ASH2L: variants seen among roughly 807,000 people sequenced by gnomAD.
The protein encoded by ASH2L is set1/Ash2 histone methyltransferase complex subunit ASH2.
ASH2L carries 30 observed loss-of-function variants against 81.1 expected under a neutral mutation model. The observed-to-expected ratio is 0.37, with a 90% CI of 0.28 to 0.50. ASH2L has a LOEUF of 0.50. Among genes scored for constraint, ASH2L ranks in the 20% least tolerant of loss-of-function variants. The pLI is 0.95. For synonymous variants in ASH2L, 273 were observed against 279.9 expected, an observed-to-expected ratio of 0.98 and a Z score of 0.24; for missense variants, 559 against 792.1, an observed-to-expected ratio of 0.71 and a Z score of 3.53.
At chr8:38,115,073 A>G in intron 7 of ASH2L, 73 bp downstream of exon 7, 1 of 968,124 alleles carries the variant, frequency 1.0e-6, no homozygotes, top group Non-Finnish European at 1.7e-6. Context: ...TTCTGTTTAC[A>G]TTTGTATATT....
intron 7 of ASH2L, among the ~76,000 whole-genome samples, chr8:38,115,415 T>C (rs61363392): frequency 0.015 from 2,352 of 152,346 alleles, 58 homozygotes; most frequent in African/African-American, 0.054. Flanking sequence ...CGAAAATTGC[T>C]GTTTTTTGTT....
chr8:38,130,793 T>G (rs1400680445), intron 12 of ASH2L, among the ~76,000 whole-genome samples: 2 of 152,080 alleles, frequency 1.3e-5, no homozygotes, highest in Admixed American at 1.3e-4. Context: ...GAGACAGGGT[T>G]TCACCATGTT....
chr8:38,126,270 C>T (rs552001334), intron 10 of ASH2L, among the ~76,000 whole-genome samples: 1 of 151,598 alleles, frequency 6.6e-6, no homozygotes, highest in Non-Finnish European at 1.5e-5. Context: ...ACTGAAATGA[C>T]CAATATTCTT....
intron 10 of ASH2L, among the ~76,000 whole-genome samples, chr8:38,121,607 A>G (rs2130525517): frequency 6.6e-6 from 1 of 152,076 alleles, no homozygotes; most frequent in South Asian, 2.1e-4. Context: ...TCTTTAGTCT[A>G]TTATAGTCTT....
At chr8:38,105,520 T>G (rs1810376536), upstream of ASH2L, 1 of 1,517,568 alleles carries the variant, frequency 6.6e-7, no homozygotes, top group East Asian at 2.6e-5. Flanking sequence ...GAGAAGAGAG[T>G]ATTCTCGCGA....
chr8:38,135,841 A>C, intron 14 of ASH2L, 75 bp downstream of exon 14: 1 of 1,191,836 alleles, frequency 8.4e-7, no homozygotes, highest in Non-Finnish European at 1.2e-6. Flanking sequence ...AAAGTTACTG[A>C]GTGCTGGAAC....
At chr8:38,128,584 G>T in intron 11 of ASH2L, 126 bp downstream of exon 11, 1 of 1,462,164 alleles carries the variant, frequency 6.8e-7, no homozygotes, top group Non-Finnish European at 9.2e-7. Flanking sequence ...CCTGAGGGTT[G>T]AGCTGGTTTG....
At chr8:38,106,683 G>A (rs1188174865) in intron 2 of ASH2L, among the ~76,000 whole-genome samples, 1 of 151,284 alleles carries the variant, frequency 6.6e-6, no homozygotes, top group African/African-American at 2.4e-5. Flanking sequence ...TCTTTTTTTT[G>A]TCTTTTTAGT....
chr8:38,125,810 G>A (rs964396723), intron 10 of ASH2L, among the ~76,000 whole-genome samples: 1 of 152,144 alleles, frequency 6.6e-6, no homozygotes, highest in African/African-American at 2.4e-5. Flanking sequence ...TGACCAGGGT[G>A]AACATCACTA....
chr8:38,131,771 AC>A (rs1216216589), intron 12 of ASH2L, among the ~76,000 whole-genome samples: 1 of 151,754 alleles, frequency 6.6e-6, no homozygotes, highest in Non-Finnish European at 1.5e-5. Flanking sequence ...CAAGTTAAAA[AC>A]TCAAGATGCA....
intron 13 of ASH2L, among the ~76,000 whole-genome samples, chr8:38,134,389 ATTC>A (rs1404657893): frequency 6.6e-6 from 1 of 151,898 alleles, no homozygotes. Flanking sequence ...CAGTGTCTTT[ATTC>A]TTTATCAGAG....
At chr8:38,135,618 TG>T in intron 13 of ASH2L, 49 bp from the exon 14 acceptor site, 1 of 1,387,980 alleles carries the variant, frequency 7.2e-7, no homozygotes, top group Non-Finnish European at 1.0e-6. Context: ...GTTCTTTTTT[TG>T]TTTGTTCTTT....
chr8:38,107,265 C>G (rs1810477194), intron 3 of ASH2L, 99 bp downstream of exon 3: 12 of 1,455,936 alleles, frequency 8.2e-6, no homozygotes, highest in South Asian at 1.2e-5. Flanking sequence ...AAAGTATTTC[C>G]TATGTCTCCT....
In ASH2L at chr8:38,128,880, C is replaced by G. The variant is rs1563259706; in HGVS notation, c.1456C>G (p.Leu486Val). 6.2e-7 allele frequency: 1 copy of G among 1,614,136 alleles called. No individual in the cohort carries two copies. Among genetic ancestry groups the G allele is most frequent in the Non-Finnish European group, 8.5e-7 (1 of 1,180,016 alleles). ...YSSGYGQGDV[L>V]GFYINLPEDT... is the part of the protein sequence containing the mutation. Reference sequence around the variant, plus strand: ...TTCTGGCTATGGACAGGGAGACGTCCTGGGATTTTATATTAATCTTCCTGA... The same window carrying G: ...TTCTGGCTATGGACAGGGAGACGTCGTGGGATTTTATATTAATCTTCCTGA... The change falls in exon 12 of 16, where the codon CTG becomes GTG. Residue 486 changes from leucine (L) to valine (V), a missense_variant. Around this residue, in one of 4 missense-constraint regions of ASH2L, gnomAD observed 318 missense variants for 527.0 expected, o/e 0.60. Coordinates refer to ENST00000343823, the MANE Select transcript of ASH2L (RefSeq NM_004674.5).
At chr8:38,108,965 C>G (rs2130473904) in intron 3 of ASH2L, among the ~76,000 whole-genome samples, 1 of 152,204 alleles carries the variant, frequency 6.6e-6, no homozygotes, top group East Asian at 1.9e-4. Flanking sequence ...ATCTGTAGTA[C>G]CAGCTACTCA....
chr8:38,110,422 G>A lies in ASH2L; in HGVS notation c.445G>A (p.Val149Ile), dbSNP rs745597253. Residue 149 changes from valine (V) to isoleucine (I), a missense_variant, in exon 4 of 16, where the codon GTC becomes ATC. By Grantham distance (29) the Val-to-Ile change is conservative. Transcript: ENST00000343823. ...GACCAACTACAGTTTTCATTGCAAC[G>A]TCTGCCATCACAGTGGGAATACCTA... ...FMTNYSFHCNVCHHSGNTYFL... is the reference protein window; with the variant it reads ...FMTNYSFHCNICHHSGNTYFL... The A allele has an allele frequency of 1.2e-5, 20 of 1,614,044 alleles. No individual in the cohort carries two copies. The Admixed American group carries it at 1.7e-4, about 13-fold the overall frequency.
At chr8:38,132,729 G>A (rs1274589905) in intron 12 of ASH2L, among the ~76,000 whole-genome samples, 1 of 151,788 alleles carries the variant, frequency 6.6e-6, no homozygotes, top group Non-Finnish European at 1.5e-5. Flanking sequence ...AACCTGGCAG[G>A]CCAAGATTGC....
intron 8 of ASH2L, 166 bp from the exon 9 acceptor site, chr8:38,119,104 A>T: frequency 1.6e-6 from 1 of 610,754 alleles, no homozygotes. Context: ...TGAGATGCTC[A>T]GTAGATTCTT....
chr8:38,114,866 TA>T (rs757356225), intron 6 of ASH2L, 38 bp from the exon 7 acceptor site: 10 of 1,325,950 alleles, frequency 7.5e-6, no homozygotes, highest in Non-Finnish European at 1.1e-5. Flanking sequence ...CTTTTAAGTA[TA>T]AAATGTTCAT....
Sources: gnomAD v4.1 joint callset for allele counts (sites outside exome capture counted in the v4.1 genomes callset) on GRCh38, gnomAD v4.1.1 for gene constraint, gnomAD v4.1.1 regional missense constraint, MANE v1.5 for transcripts, NCBI Gene and HGNC (gene_info 2026-07-23, HGNC 2026-07-21) for gene names.